The following TRIM24 variants were observed in gnomAD, a reference collection of about 807,000 sequenced individuals.
TRIM24 encodes the protein transcription intermediary factor 1-alpha.
A neutral mutation model predicts 123.9 loss-of-function variants in TRIM24; 29 were observed. The observed-to-expected ratio is 0.23, with a 90% confidence interval of 0.17 to 0.32. The LOEUF (loss-of-function observed/expected upper bound fraction) is 0.32, where lower values mean the gene tolerates loss of function less well. Among genes scored for constraint, TRIM24 ranks in the 10% least tolerant of loss-of-function variants. The pLI is 1.00. For missense variants in TRIM24, 932 were observed against 1,295.3 expected (o/e 0.72, Z 4.31); for synonymous variants, 456 against 461.1 (o/e 0.99, Z 0.14).
intron 2 of TRIM24, 36 bp downstream of exon 2, chr7:138,504,444 GCTCTT>G (rs368969729): frequency 0.18 from 110,095 of 615,832 alleles, 11,219 homozygotes; most frequent in East Asian, 0.24. Flanking sequence ...TTGCCTGCCA[GCTCTT>G]TTTTTTTTTT....
chr7:138,481,823 G>C (rs906916380), intron 1 of TRIM24, among the ~76,000 whole-genome samples: 1 of 151,772 alleles, frequency 6.6e-6, no homozygotes, highest in Non-Finnish European at 1.5e-5. Flanking sequence ...CAAAAAAAAA[G>C]AAAAAAGAAA....
chr7:138,538,162 A>G (rs894819196), intron 6 of TRIM24, among the ~76,000 whole-genome samples: 1 of 152,242 alleles, frequency 6.6e-6, no homozygotes, highest in East Asian at 1.9e-4. Flanking sequence ...TAAGAAAATT[A>G]CCACATACAA....
chr7:138,476,465 C>T (rs1478399398), intron 1 of TRIM24, among the ~76,000 whole-genome samples: 6 of 151,878 alleles, frequency 4.0e-5, no homozygotes, highest in Non-Finnish European at 5.9e-5. Flanking sequence ...TGGTGGCGTG[C>T]GCCTGTAATC....
intron 1 of TRIM24, among the ~76,000 whole-genome samples, chr7:138,462,472 C>G (rs939191153): frequency 1.6e-4 from 24 of 151,258 alleles, no homozygotes; most frequent in Non-Finnish European, 3.1e-4. Flanking sequence ...TCCCGAGTAG[C>G]TGGGACTACA....
At chr7:138,538,514 T>C in intron 6 of TRIM24, 143 bp from the exon 7 acceptor site, 1 of 946,262 alleles carries the variant, frequency 1.1e-6, no homozygotes. Flanking sequence ...TCCTTTATAC[T>C]AATAGGGAAA....
chr7:138,506,916 A>G (rs879652364), intron 2 of TRIM24, among the ~76,000 whole-genome samples: 1 of 152,174 alleles, frequency 6.6e-6, no homozygotes, highest in Admixed American at 6.5e-5. Flanking sequence ...TTAGCGTGGT[A>G]GCAATAAGGA....
chr7:138,578,414 T>C (rs1427297125), intron 14 of TRIM24, among the ~76,000 whole-genome samples: 1 of 152,200 alleles, frequency 6.6e-6, no homozygotes, highest in South Asian at 2.1e-4. Context: ...AGACAAATAC[T>C]GATCAGTTAG....
chr7:138,488,463 C>A (rs995411650), intron 1 of TRIM24, among the ~76,000 whole-genome samples: 4 of 152,054 alleles, frequency 2.6e-5, no homozygotes, highest in Admixed American at 2.0e-4. Context: ...TAGATCTTTC[C>A]TGCTTTCTCT....
intron 1 of TRIM24, among the ~76,000 whole-genome samples, chr7:138,491,528 T>A (rs1439723796): frequency 6.6e-6 from 1 of 152,186 alleles, no homozygotes; most frequent in Admixed American, 6.6e-5. Context: ...TCACTTCTTA[T>A]GGGTGAATAA....
In TRIM24 at chr7:138,580,707, T is replaced by C; in HGVS notation, c.2718+13T>C. On this transcript the variant is annotated intron_variant, in intron 16 of 18. Coordinates refer to ENST00000343526, the MANE Select transcript of TRIM24 (RefSeq NM_015905.3). ...TATAGATAAAAGGGTAAGTCTTTGG[T>C]AAGATGCATTATTGTATTGTAGTGC... The C allele has an allele frequency of 6.2e-7, 1 of 1,611,416 alleles. No individual in the cohort carries two copies. The highest frequency in any genetic ancestry group is 1.1e-5 in the South Asian group (1 of 90,628).
chr7:138,573,695 C>T (rs2116676513), intron 12 of TRIM24, 53 bp downstream of exon 12: 2 of 1,559,224 alleles, frequency 1.3e-6, no homozygotes, highest in Non-Finnish European at 1.7e-6. Flanking sequence ...TTTCACTTTA[C>T]TTGGAATAAA....
At chr7:138,552,170 G>A (rs1287592892) in intron 8 of TRIM24, among the ~76,000 whole-genome samples, 6 of 152,084 alleles carry the variant, frequency 3.9e-5, no homozygotes, top group African/African-American at 1.4e-4. Flanking sequence ...CTAGCAATAA[G>A]CTATGCCATA....
At chr7:138,476,776 C>G (rs74958301) in intron 1 of TRIM24, among the ~76,000 whole-genome samples, 1 of 151,830 alleles carries the variant, frequency 6.6e-6, no homozygotes, top group East Asian at 1.9e-4. Flanking sequence ...TCCTCATTGA[C>G]CTGGCAATCT....
Position 138,505,509 on chromosome 7 carries a change from G to GGTTGTTGTT in TRIM24, c.483+1139_483+1147dup, listed in dbSNP as rs59585473. ...GCTTCATTTGTTTTTTGGGGGTGGT[G>GGTTGTTGTT]GTTGTTGTTGTTGTTGTTGTTGTTG... On this transcript the variant is annotated intron_variant, in intron 2 of 18. Transcript: ENST00000343526. Among the ~76,000 whole-genome samples the GGTTGTTGTT allele has an allele frequency of 4.8e-3, 684 of 143,924 alleles. 1 individual carries two copies. The highest frequency in any genetic ancestry group is 6.4e-3 in the Non-Finnish European group (426 of 66,178). The allele number at this position is 143,924 out of a possible 152,430, so 94.4% of individuals were successfully genotyped here.
At chr7:138,537,212 A>G (rs1391476863) in intron 6 of TRIM24, among the ~76,000 whole-genome samples, 1 of 151,776 alleles carries the variant, frequency 6.6e-6, no homozygotes, top group Non-Finnish European at 1.5e-5. Context: ...GGTGCACTGT[A>G]CCCACGGTCC....
chr7:138,581,460 A>ATTGT (rs1243715788), intron 16 of TRIM24, among the ~76,000 whole-genome samples: 2 of 152,210 alleles, frequency 1.3e-5, no homozygotes, highest in African/African-American at 4.8e-5. Context: ...GTGCAAATTT[A>ATTGT]TTGTTAGAAA....
At chr7:138,515,401 C>T (rs769985538) in intron 3 of TRIM24, 42 bp downstream of exon 3, 9 of 1,597,662 alleles carry the variant, frequency 5.6e-6, no homozygotes. Flanking sequence ...TCTATCTTTC[C>T]CCGTCTTTTC....
chr7:138,483,112 G>T lies in TRIM24; in HGVS notation c.365-21178G>T, dbSNP rs1355834382. On this transcript the variant is annotated intron_variant, in intron 1 of 18. Coordinates refer to ENST00000343526, the MANE Select transcript of TRIM24 (RefSeq NM_015905.3). Reference sequence around the variant, plus strand: ...TTTCCTCATTTTTGTAGCGGGGGGGGTCTCACTTTGTTGCCCAGGCTGGTG... The same window carrying T: ...TTTCCTCATTTTTGTAGCGGGGGGGTTCTCACTTTGTTGCCCAGGCTGGTG... Among the ~76,000 whole-genome samples the T allele has an allele frequency of 3.3e-5, 5 of 151,782 alleles. No homozygotes were observed. In the East Asian group the frequency reaches 9.7e-4, roughly 30 times the overall value.
intron 1 of TRIM24, among the ~76,000 whole-genome samples, chr7:138,492,298 A>AT (rs58762010): frequency 6.7e-6 from 1 of 148,884 alleles, no homozygotes; most frequent in East Asian, 2.0e-4. Flanking sequence ...AAAAAAAAAA[A>AT]GGGAAAGAAA....
Sources: allele counts gnomAD v4.1 joint callset (sites outside exome capture counted in the v4.1 genomes callset), GRCh38; gene constraint gnomAD v4.1.1; transcripts MANE v1.5; gene names NCBI Gene and HGNC (gene_info 2026-07-23, HGNC 2026-07-21).